Variants in ETF1 observed in about 807,000 individuals in gnomAD.
The protein encoded by ETF1 is eukaryotic translation termination factor 1.
A neutral mutation model predicts 55.1 loss-of-function variants in ETF1; 4 were observed. The ratio of observed to expected loss-of-function variants is 0.07; its 90% CI spans 0.04 to 0.17. The LOEUF is 0.17. Among genes scored for constraint, ETF1 ranks in the 10% least tolerant of loss-of-function variants. ETF1 has a pLI of 1.00. For synonymous variants in ETF1, 157 were observed against 182.3 expected (o/e 0.86, Z 1.12); for missense variants, 142 against 523.6 (o/e 0.27, Z 7.11).
At chr5:138,540,295 C>T (rs574675787) in intron 2 of ETF1, among the ~76,000 whole-genome samples, 1 of 152,284 alleles carries the variant, frequency 6.6e-6, no homozygotes, top group Non-Finnish European at 1.5e-5. Flanking sequence ...ACTACCTTGT[C>T]CTAATAACCA....
chr5:138,531,610 C>A (rs906185420), intron 2 of ETF1, among the ~76,000 whole-genome samples: 1 of 152,200 alleles, frequency 6.6e-6, no homozygotes, highest in Non-Finnish European at 1.5e-5. Flanking sequence ...ACTCCCTAAC[C>A]GGGATGTACA....
intron 1 of ETF1, 58 bp from the exon 2 acceptor site, chr5:138,542,994 G>A (rs1580732182): frequency 1.9e-5 from 28 of 1,494,644 alleles, no homozygotes; most frequent in Middle Eastern, 1.7e-4. Context: ...CGCCGCCGCT[G>A]GGGCAGAGCG....
intron 7 of ETF1, 44 bp from the exon 8 acceptor site, chr5:138,511,244 C>T: frequency 6.3e-7 from 1 of 1,599,812 alleles, no homozygotes; most frequent in Non-Finnish European, 8.5e-7. Flanking sequence ...TAAAGTTTCC[C>T]TAGTAGATAC....
rs1387550907 is a variant in ETF1 at position 138,507,118 on chromosome 5, A to C, written c.*1187T>G. 2 of 152,152 alleles carry C rather than the reference A, an allele frequency of 1.3e-5. No individual in the cohort carries two copies. The highest frequency in any genetic ancestry group is 2.9e-5 in the Non-Finnish European group (2 of 68,022). 9.4% of individuals were successfully genotyped at this position (152,152 alleles called of 1,614,324 possible). A position where few individuals can be genotyped will look rare whatever the true frequency, so the allele number is the denominator to read the frequency against. On this transcript the variant is annotated 3_prime_UTR_variant, in exon 11 of 11. Coordinates refer to ENST00000360541, the MANE Select transcript of ETF1 (RefSeq NM_004730.4). The stretch of plus-strand genomic sequence containing the variant: ...AGCATAAGCTTCAGGGTTTCAGGCC[A>C]ACTTTTGGATCCAACATGGTCTTAA...
At position 138,532,659 on chromosome 5, in the gene ETF1, G is replaced by A. The variant is rs554233446; in HGVS notation, c.86+10174C>T. ...CTGAAGTATGAGCTGATTTTTTGTA[G>A]CAGATGATGGTCACCTTTACGGGAT... On this transcript the variant is annotated intron_variant, in intron 2 of 10. Coordinates refer to ENST00000360541, the MANE Select transcript of ETF1 (RefSeq NM_004730.4). 3.4e-3 allele frequency among the ~76,000 whole-genome samples: 520 copies of A among 152,258 alleles called. 5 individuals are homozygous for A. The highest frequency in any genetic ancestry group is 0.012 in the African/African-American group (488 of 41,532).
chr5:138,522,581 TA>T (rs200019732), intron 2 of ETF1, among the ~76,000 whole-genome samples: 33 of 140,864 alleles, frequency 2.3e-4, no homozygotes, highest in South Asian at 2.2e-4. Flanking sequence ...TTCATAATAG[TA>T]AAAAAAAAAA....
At chr5:138,541,556 GT>G (rs1269744384) in intron 2 of ETF1, 1 of 1,535,368 alleles carries the variant, frequency 6.5e-7, no homozygotes, top group Admixed American at 2.0e-5. Context: ...AGCACATCCT[GT>G]TTCATATAAC....
intron 2 of ETF1, among the ~76,000 whole-genome samples, chr5:138,530,591 G>A (rs1765657774): frequency 6.6e-6 from 1 of 151,332 alleles, no homozygotes; most frequent in Non-Finnish European, 1.5e-5. Flanking sequence ...TCTTTTCTTT[G>A]AGACAGAGTC....
chr5:138,512,242 ATATATATATATATATATTTTTTTTTTT>A (rs1475076864), intron 6 of ETF1, among the ~76,000 whole-genome samples: 3 of 6,880 alleles, frequency 4.4e-4, no homozygotes, highest in East Asian at 0.016. Flanking sequence ...ATATATATAT[ATATATATATATATATATTTTTTTTTTT>A]TTTTAAAGGC....
intron 2 of ETF1, among the ~76,000 whole-genome samples, chr5:138,519,520 G>A (rs1331945094): frequency 6.6e-6 from 1 of 151,914 alleles, no homozygotes; most frequent in Non-Finnish European, 1.5e-5. Flanking sequence ...AAAATTCGCT[G>A]GGCATGGTGG....
rs757375306 is a variant in ETF1 at position 138,543,186 on chromosome 5, T to A, written c.-108A>T. On this transcript the variant is annotated 5_prime_UTR_variant, in exon 1 of 11. Coordinates refer to ENST00000360541, the MANE Select transcript of ETF1 (RefSeq NM_004730.4). The stretch of plus-strand genomic sequence containing the variant: ...GCTCTGACGTAGGACACCGGCTCCC[T>A]CTCTCCAGGCAGCTGCATGTGTTGC... The A allele has an allele frequency of 7.7e-5, 43 of 560,162 alleles. No homozygotes were observed. Among genetic ancestry groups the A allele is most frequent in the Non-Finnish European group, 8.5e-5 (27 of 317,458 alleles). The allele number at this position is 560,162 out of a possible 1,614,324, so 34.7% of individuals were successfully genotyped here.
At chr5:138,530,946 G>T (rs1426419734) in intron 2 of ETF1, among the ~76,000 whole-genome samples, 1 of 152,118 alleles carries the variant, frequency 6.6e-6, no homozygotes, top group Non-Finnish European at 1.5e-5. Flanking sequence ...TCATCTCTAG[G>T]TCTGCTGAAG....
At chr5:138,528,789 C>A (rs888833498) in intron 2 of ETF1, among the ~76,000 whole-genome samples, 1 of 152,082 alleles carries the variant, frequency 6.6e-6, no homozygotes, top group Non-Finnish European at 1.5e-5. Context: ...AAATGGATGG[C>A]TTTCACTTTA....
At chr5:138,537,942 G>C (rs189406778) in intron 2 of ETF1, among the ~76,000 whole-genome samples, 36 of 133,594 alleles carry the variant, frequency 2.7e-4, no homozygotes, top group Admixed American at 2.6e-3. Flanking sequence ...GCCCAGGCTG[G>C]AGTGCAATGG....
At chr5:138,542,981 T>C in intron 1 of ETF1, 45 bp from the exon 2 acceptor site, 12 of 1,570,306 alleles carry the variant, frequency 7.6e-6, no homozygotes, top group Non-Finnish European at 1.0e-5. Flanking sequence ...ACCACAGAGT[T>C]AGCGCCGCCG....
chr5:138,543,203 ATGTGT>A lies in ETF1; in HGVS notation c.-130_-126del. 1.9e-6 allele frequency: 1 copy of A among 537,356 alleles called. No homozygotes were observed. Among genetic ancestry groups the A allele is most frequent in the African/African-American group, 2.0e-5 (1 of 50,884 alleles). 33.3% of individuals were successfully genotyped at this position (537,356 alleles called of 1,614,324 possible). On this transcript the variant is annotated 5_prime_UTR_variant, in exon 1 of 11. The change creates a new upstream start codon in the 5' untranslated region. Transcript: ENST00000360541. The stretch of plus-strand genomic sequence containing the variant: ...CGGCTCCCTCTCTCCAGGCAGCTGC[ATGTGT>A]TGCAATCCGCTCACATGGGGCCTGT...
chr5:138,541,563 A>G lies in ETF1; in HGVS notation c.86+1270T>C, dbSNP rs148999120. On this transcript the variant is annotated intron_variant, in intron 2 of 10. Coordinates refer to ENST00000360541, the MANE Select transcript of ETF1 (RefSeq NM_004730.4). ...TACAATTAAGCACATCCTGTTTCAT[A>G]TAACAGTAATAATGAAGAGCTTGGA... 3.3e-5 allele frequency: 51 copies of G among 1,535,226 alleles called. 1 individual carries two copies. The highest frequency in any genetic ancestry group is 3.1e-4 in the Admixed American group (16 of 50,946).
chr5:138,517,972 T>C (rs1054827872), intron 3 of ETF1: 66 of 710,728 alleles, frequency 9.3e-5, no homozygotes, highest in Non-Finnish European at 1.1e-4. Flanking sequence ...GAGGCCGAGG[T>C]AGGCGGATCA....
rs995250833 is a variant in ETF1, at chr5:138,523,135, A to G, written c.87-4268T>C. On this transcript the variant is annotated intron_variant, in intron 2 of 10. Coordinates refer to ENST00000360541, the MANE Select transcript of ETF1 (RefSeq NM_004730.4). The stretch of plus-strand genomic sequence containing the variant: ...TGTAATCCCAGCATTTCGGGGGGCC[A>G]AGGTGGGCGGATCACGAGGTCAAGA... Among the ~76,000 whole-genome samples, 138 of 152,220 alleles carry G rather than the reference A, an allele frequency of 9.1e-4. 1 individual carries two copies. Among genetic ancestry groups the G allele is most frequent in the African/African-American group, 3.1e-3 (128 of 41,534 alleles).
Sources: gnomAD v4.1 joint callset for allele counts (sites outside exome capture counted in the v4.1 genomes callset) on GRCh38, gnomAD v4.1.1 for gene constraint, MANE v1.5 for transcripts, NCBI Gene and HGNC (gene_info 2026-07-23, HGNC 2026-07-21) for gene names.